Variants in ZFAND3 observed in about 807,000 individuals in gnomAD.
The protein encoded by ZFAND3 is zinc finger AN1-type containing 3, also known as AN1-type zinc finger protein 3.
A neutral mutation model predicts 29.6 loss-of-function variants in ZFAND3; 10 were observed. The ratio of observed to expected loss-of-function variants is 0.34; its 90% CI spans 0.21 to 0.57. The LOEUF is 0.57. Among genes scored for constraint, ZFAND3 ranks in the 20% least tolerant of loss-of-function variants. The probability of loss-of-function intolerance (pLI) is 0.86; values close to 1 mark genes in which losing one functional copy is unlikely to be tolerated. For synonymous variants in ZFAND3, 128 were observed against 112.6 expected (o/e 1.14, Z -0.87); for missense variants, 230 against 304.5 (o/e 0.76, Z 1.82).
At chr6:37,997,450 C>T (rs752479718) in intron 2 of ZFAND3, among the ~76,000 whole-genome samples, 8 of 152,168 alleles carry the variant, frequency 5.3e-5, no homozygotes, top group Non-Finnish European at 1.0e-4. Context: ...GTCATTCGTA[C>T]AGAAAGCTAG....
At chr6:37,985,234 G>C (rs1034630346) in intron 2 of ZFAND3, among the ~76,000 whole-genome samples, 8 of 152,126 alleles carry the variant, frequency 5.3e-5, no homozygotes, top group South Asian at 2.1e-4. Flanking sequence ...GAGATAGGAG[G>C]ATCACTTGTG....
intron 1 of ZFAND3, among the ~76,000 whole-genome samples, chr6:37,836,960 C>T (rs1277007588): frequency 6.6e-6 from 1 of 152,090 alleles, no homozygotes; most frequent in Admixed American, 6.5e-5. Flanking sequence ...GACTTCGATT[C>T]CTATAAATAT....
intron 2 of ZFAND3, among the ~76,000 whole-genome samples, chr6:38,005,661 A>G (rs555802276): frequency 6.6e-6 from 1 of 152,356 alleles, no homozygotes; most frequent in South Asian, 2.1e-4. Context: ...AAATCACATT[A>G]ATTTATTATA....
In ZFAND3 at chr6:37,948,001, T is replaced by G. The variant is rs183688854; in HGVS notation, c.112+18002T>G. On this transcript the variant is annotated intron_variant, in intron 2 of 5. Transcript: ENST00000287218. ...ACATTTTGTATGACCCTCATTTATT[T>G]ATTGAGACTTGTTTTATGACAAAAT... Among the ~76,000 whole-genome samples, 11 of 152,336 alleles carry G rather than the reference T, an allele frequency of 7.2e-5. No individual in the cohort carries two copies. The South Asian group carries it at 2.3e-3, about 32-fold the overall frequency.
intron 1 of ZFAND3, among the ~76,000 whole-genome samples, chr6:37,831,113 G>A (rs1763852512): frequency 1.3e-5 from 2 of 152,270 alleles, no homozygotes; most frequent in East Asian, 3.9e-4. Context: ...GTTTACCTCT[G>A]TGTCTCTTTA....
At chr6:38,033,841 T>C (rs987621458) in intron 2 of ZFAND3, among the ~76,000 whole-genome samples, 5 of 152,206 alleles carry the variant, frequency 3.3e-5, no homozygotes, top group African/African-American at 1.2e-4. Context: ...ATGACAACTC[T>C]TGTGACATTT....
intron 2 of ZFAND3, among the ~76,000 whole-genome samples, chr6:38,026,112 TTC>T (rs1763442447): frequency 6.6e-6 from 1 of 152,194 alleles, no homozygotes; most frequent in African/African-American, 2.4e-5. Flanking sequence ...TATTGACAAA[TTC>T]TTTATCAGAT....
chr6:38,073,684 C>T (rs996676175), intron 3 of ZFAND3, among the ~76,000 whole-genome samples: 2 of 152,150 alleles, frequency 1.3e-5, no homozygotes, highest in Non-Finnish European at 1.5e-5. Flanking sequence ...CACTGTTAAT[C>T]GCTGTTGGAC....
chr6:37,937,390 C>T (rs1425463813), intron 2 of ZFAND3, among the ~76,000 whole-genome samples: 1 of 152,154 alleles, frequency 6.6e-6, no homozygotes, highest in African/African-American at 2.4e-5. Flanking sequence ...GGCACAGTGG[C>T]TCATGCCTGT....
At chr6:37,854,973 T>G (rs1051462931) in intron 1 of ZFAND3, among the ~76,000 whole-genome samples, 2 of 137,570 alleles carry the variant, frequency 1.5e-5, no homozygotes, top group African/African-American at 6.1e-5. Context: ...TGTTTTTTTT[T>G]TTTTTTTTTT....
At position 38,153,873 on chromosome 6, in the gene ZFAND3, C is replaced by T. The variant is rs1476026313; in HGVS notation, c.*1484C>T. 2 of 985,414 alleles carry T rather than the reference C, an allele frequency of 2.0e-6. No homozygotes were observed. The highest frequency in any genetic ancestry group is 2.4e-6 in the Non-Finnish European group (2 of 829,970). 61.0% of individuals were successfully genotyped at this position (985,414 alleles called of 1,614,324 possible). On this transcript the variant is annotated 3_prime_UTR_variant, in exon 6 of 6. Coordinates refer to ENST00000287218, the MANE Select transcript of ZFAND3 (RefSeq NM_021943.3). ...CAGCGTGGATCTGCCCACACATAGG[C>T]TACTGGAATAGTTTAACCCAGCAAC...
At chr6:37,940,655 G>A (rs1468389953) in intron 2 of ZFAND3, among the ~76,000 whole-genome samples, 2 of 152,224 alleles carry the variant, frequency 1.3e-5, no homozygotes, top group Non-Finnish European at 2.9e-5. Context: ...GAAGTTCCCA[G>A]TGATGGCAGA....
At chr6:37,896,824 T>G (rs530320206) in intron 1 of ZFAND3, among the ~76,000 whole-genome samples, 1 of 152,138 alleles carries the variant, frequency 6.6e-6, no homozygotes, top group African/African-American at 2.4e-5. Flanking sequence ...TCTTAACTCT[T>G]TGTAGAAATT....
At chr6:38,138,668 C>G (rs1242714473) in intron 5 of ZFAND3, among the ~76,000 whole-genome samples, 1 of 152,140 alleles carries the variant, frequency 6.6e-6, no homozygotes, top group Non-Finnish European at 1.5e-5. Context: ...AACTAGACCT[C>G]TAATAAAGTC....
intron 5 of ZFAND3, among the ~76,000 whole-genome samples, chr6:38,130,522 G>A (rs1279741847): frequency 6.6e-6 from 1 of 152,202 alleles, no homozygotes; most frequent in African/African-American, 2.4e-5. Context: ...TAATCATAAA[G>A]TGATGCTGGA....
Position 38,015,430 on chromosome 6 carries a change from T to C in ZFAND3, c.113-46163T>C, listed in dbSNP as rs542228293. On this transcript the variant is annotated intron_variant, in intron 2 of 5. Coordinates refer to ENST00000287218, the MANE Select transcript of ZFAND3 (RefSeq NM_021943.3). ...CAATATTTGATAAAGGAGGCATTCC[T>C]TTTGGCCTGACATTTCTAAGTCTGT... Among the ~76,000 whole-genome samples the C allele has an allele frequency of 6.6e-5, 10 of 152,338 alleles. No homozygotes were observed. In the South Asian group the frequency reaches 2.1e-3, roughly 32 times the overall value.
chr6:37,841,151 G>T (rs565238734), intron 1 of ZFAND3, among the ~76,000 whole-genome samples: 1 of 152,284 alleles, frequency 6.6e-6, no homozygotes, highest in Non-Finnish European at 1.5e-5. Context: ...TTATGAAAGA[G>T]GGTAATGAAT....
intron 5 of ZFAND3, among the ~76,000 whole-genome samples, chr6:38,119,698 C>T (rs1013127448): frequency 5.3e-5 from 8 of 152,214 alleles, no homozygotes; most frequent in Admixed American, 1.3e-4. Context: ...CTGAATCCTC[C>T]GCCCCAGGGC....
chr6:38,017,956 A>G (rs1009227975), intron 2 of ZFAND3, among the ~76,000 whole-genome samples: 1 of 152,178 alleles, frequency 6.6e-6, no homozygotes, highest in Non-Finnish European at 1.5e-5. Flanking sequence ...GGTTCCCAGA[A>G]AACTACTTAT....
Sources: allele counts gnomAD v4.1 joint callset (sites outside exome capture counted in the v4.1 genomes callset), GRCh38; gene constraint gnomAD v4.1.1; transcripts MANE v1.5; gene names NCBI Gene and HGNC (gene_info 2026-07-23, HGNC 2026-07-21).